Variants in FAM193A observed in about 807,000 individuals in gnomAD.
FAM193A encodes family with sequence similarity 193 member A.
Under a neutral mutation model 126.5 loss-of-function variants are expected in FAM193A, and 22 were observed. The observed-to-expected ratio is 0.17, with a 90% confidence interval of 0.12 to 0.25. FAM193A has a LOEUF of 0.25. Among genes scored for constraint, FAM193A ranks in the 10% least tolerant of loss-of-function variants. The probability of loss-of-function intolerance (pLI) is 1.00; values close to 1 mark genes in which losing one functional copy is unlikely to be tolerated. For missense variants in FAM193A, 1,675 were observed against 1,672.8 expected, an observed-to-expected ratio of 1.00 and a Z score of -0.02; for synonymous variants, 761 against 646.8, an observed-to-expected ratio of 1.18 and a Z score of -2.68.
chr4:2,538,419 G>T (rs113206472), intron 1 of FAM193A, among the ~76,000 whole-genome samples: 2 of 152,004 alleles, frequency 1.3e-5, no homozygotes, highest in Admixed American at 1.3e-4. Context: ...TCTCGAACTC[G>T]TGATCTCAGG....
At chr4:2,617,551 A>T (rs909146541) in intron 2 of FAM193A, among the ~76,000 whole-genome samples, 30 of 151,738 alleles carry the variant, frequency 2.0e-4, no homozygotes, top group African/African-American at 6.0e-4. Flanking sequence ...GGCATGAGCC[A>T]CCGCGTCTGG....
intron 19 of FAM193A, among the ~76,000 whole-genome samples, chr4:2,702,234 A>G (rs1200357224): frequency 6.6e-6 from 1 of 151,588 alleles, no homozygotes; most frequent in South Asian, 2.1e-4. Flanking sequence ...TTTTACGAAC[A>G]CTCTTTATGT....
In FAM193A at chr4:2,725,759, C is replaced by T. The variant is rs1269048518; in HGVS notation, c.4455-6016C>T. 4.6e-5 allele frequency among the ~76,000 whole-genome samples: 7 copies of T among 151,380 alleles called. No individual in the cohort carries two copies. In the East Asian group the frequency reaches 1.4e-3, roughly 29 times the overall value. ...AATAGTCTTGCTCTGTCACCCAGGC[C>T]GGAGTGCAGTGGTATGATCTTGGCT... On this transcript the variant is annotated intron_variant, in intron 20 of 20. Transcript: ENST00000637812.
rs202109350 is a variant in FAM193A, at chr4:2,679,367, T to TTTTC, written c.2331+7003_2331+7006dup. Among the ~76,000 whole-genome samples, 428 of 146,462 alleles carry TTTTC rather than the reference T, an allele frequency of 2.9e-3. 5 individuals carry two copies. The highest frequency in any genetic ancestry group is 0.011 in the African/African-American group (406 of 37,430). On this transcript the variant is annotated intron_variant, in intron 13 of 20. Coordinates refer to ENST00000637812, the MANE Select transcript of FAM193A (RefSeq NM_001366318.2). ...GTTCACAAGCGATACTCGTTTGTAG[T>TTTTC]TTTCTTTCTTTTTTTTTTTTTTTTT...
intron 2 of FAM193A, among the ~76,000 whole-genome samples, chr4:2,619,278 T>C (rs531291598): frequency 2.0e-5 from 3 of 152,070 alleles, no homozygotes; most frequent in South Asian, 4.1e-4. Flanking sequence ...ATCATCTCTA[T>C]TTTTGGGGAG....
At chr4:2,725,450 CAAAAAAAA>C (rs71644355) in intron 20 of FAM193A, among the ~76,000 whole-genome samples, 7 of 31,780 alleles carry the variant, frequency 2.2e-4, no homozygotes, top group South Asian at 2.4e-3. Context: ...ACCCTGTCTC[CAAAAAAAA>C]AAAAAAAAAA....
intron 7 of FAM193A, among the ~76,000 whole-genome samples, chr4:2,650,793 A>G (rs936558290): frequency 6.6e-6 from 1 of 152,174 alleles, no homozygotes; most frequent in African/African-American, 2.4e-5. Context: ...ACCGCATAAA[A>G]AAAGAGGAGC....
chr4:2,732,066 C>G lies in FAM193A; in HGVS notation c.*198C>G. 8 of 592,390 alleles carry G rather than the reference C, an allele frequency of 1.4e-5. No homozygotes were observed. The South Asian group carries it at 1.5e-4, about 11-fold the overall frequency. 36.7% of individuals were successfully genotyped at this position (592,390 alleles called of 1,614,324 possible). On this transcript the variant is annotated 3_prime_UTR_variant, in exon 21 of 21. Coordinates refer to ENST00000637812, the MANE Select transcript of FAM193A (RefSeq NM_001366318.2). ...GTGTGCGTGTAGTCTGTGCGTGAGA[C>G]TCCTTCGATTGTAGCTCTGTGCTGT...
In FAM193A at chr4:2,663,198, C is replaced by T. The variant is rs772954492; in HGVS notation, c.1989C>T (p.Ala663=). 3 of 1,614,022 alleles carry T rather than the reference C, an allele frequency of 1.9e-6. No individual in the cohort carries two copies. Among genetic ancestry groups the T allele is most frequent in the Non-Finnish European group, 2.5e-6 (3 of 1,179,996 alleles). ...AGAGTAGTGGGGAGCCCCCAGGGGC[C>T]CCGAAGGAAGATGGAGTGCTGGGAA... is the stretch of plus-strand genomic sequence containing the variant. ...DGESSGEPPG[A]PKEDGVLGSR... Residue 663 remains alanine (A), a synonymous_variant, in exon 12 of 21, where the codon GCC becomes GCT. Coordinates refer to ENST00000637812, the MANE Select transcript of FAM193A (RefSeq NM_001366318.2).
chr4:2,728,833 C>G (rs945956339), intron 20 of FAM193A, among the ~76,000 whole-genome samples: 11 of 141,430 alleles, frequency 7.8e-5, no homozygotes. Context: ...CATTCAAAGA[C>G]AAACAGCTTT....
At chr4:2,577,430 T>TTTTTTTTTTTTTTTTTTTTTTTG (rs1390308014) in intron 1 of FAM193A, among the ~76,000 whole-genome samples, 1 of 147,046 alleles carries the variant, frequency 6.8e-6, no homozygotes, top group African/African-American at 2.5e-5. Flanking sequence ...TTGTTTTTTT[T>TTTTTTTTTTTTTTTTTTTTTTTG]TTTTTTGAGA....
intron 2 of FAM193A, among the ~76,000 whole-genome samples, chr4:2,604,873 C>G (rs1384287242): frequency 6.9e-6 from 1 of 145,060 alleles, no homozygotes; most frequent in Non-Finnish European, 1.5e-5. Flanking sequence ...AAACAGCTCA[C>G]TGCAGCCTCG....
intron 1 of FAM193A, among the ~76,000 whole-genome samples, chr4:2,583,608 AAG>A (rs2108883459): frequency 6.6e-6 from 1 of 152,280 alleles, no homozygotes; most frequent in Admixed American, 6.5e-5. Flanking sequence ...GCCACGGAGA[AAG>A]AGCCTGCAAA....
chr4:2,563,168 C>T (rs1207091394), intron 1 of FAM193A, among the ~76,000 whole-genome samples: 1 of 151,994 alleles, frequency 6.6e-6, no homozygotes, highest in Non-Finnish European at 1.5e-5. Context: ...TGGTCTTGAA[C>T]TCCTGACCTC....
chr4:2,700,303 G>A lies in FAM193A; in HGVS notation c.4131G>A (p.Val1377=). ...PRAQTESKAK[V]VDLMSITEQK... is the part of the protein sequence containing the mutation. ...CCCAGACTGAGTCAAAGGCTAAGGTGGTCGACCTCATGTCCATCACAGAGC... is the reference window on the plus strand; with the variant it reads ...CCCAGACTGAGTCAAAGGCTAAGGTAGTCGACCTCATGTCCATCACAGAGC... The change falls in exon 19 of 21, where the codon GTG becomes GTA. Residue 1377 remains valine, a synonymous_variant. Transcript: ENST00000637812. 6.2e-7 allele frequency: 1 copy of A among 1,614,018 alleles called. No homozygotes were observed. The highest frequency in any genetic ancestry group is 8.5e-7 in the Non-Finnish European group (1 of 1,179,988).
At chr4:2,667,227 A>G (rs896757244) in intron 12 of FAM193A, among the ~76,000 whole-genome samples, 3 of 152,228 alleles carry the variant, frequency 2.0e-5, no homozygotes, top group African/African-American at 7.2e-5. Context: ...TGGTCTATCC[A>G]GGCTACCATG....
At chr4:2,633,227 G>A (rs1743772623) in intron 5 of FAM193A, among the ~76,000 whole-genome samples, 4 of 151,742 alleles carry the variant, frequency 2.6e-5, no homozygotes, top group South Asian at 2.1e-4. Context: ...ATGAAACCCC[G>A]TCTCTACTAA....
intron 2 of FAM193A, among the ~76,000 whole-genome samples, chr4:2,616,970 A>G (rs1254260816): frequency 2.1e-5 from 3 of 146,166 alleles, no homozygotes; most frequent in Admixed American, 2.0e-4. Flanking sequence ...GGAGTTCGAG[A>G]CCAGCTTGAG....
At chr4:2,615,563 G>A (rs183071552) in intron 2 of FAM193A, among the ~76,000 whole-genome samples, 428 of 152,256 alleles carry the variant, frequency 2.8e-3, no homozygotes, top group African/African-American at 7.8e-3. Context: ...TCTGTCACCA[G>A]GCTGGAGTGC....
Sources: allele counts gnomAD v4.1 joint callset (sites outside exome capture counted in the v4.1 genomes callset), GRCh38; gene constraint gnomAD v4.1.1; transcripts MANE v1.5; gene names NCBI Gene and HGNC (gene_info 2026-07-23, HGNC 2026-07-21).